HEMK2: variants seen among roughly 807,000 people sequenced by gnomAD.
HEMK2 encodes methyltransferase HEMK2.
the HEMK2 span, among the ~76,000 whole-genome samples, chr21:28,829,949 A>G: frequency 6.6e-6 from 1 of 152,170 alleles, no homozygotes; most frequent in Admixed American, 6.5e-5. Context: ...CCAACTCCCA[A>G]TACGGAATCC....
At chr21:28,723,179 T>G in the HEMK2 span, among the ~76,000 whole-genome samples, 3 of 149,476 alleles carry the variant, frequency 2.0e-5, no homozygotes, top group East Asian at 4.0e-4. Context: ...CCAGCTAATT[T>G]TTTTTTATTT....
the HEMK2 span, among the ~76,000 whole-genome samples, chr21:28,729,266 T>C: frequency 1.3e-5 from 2 of 152,210 alleles, no homozygotes; most frequent in African/African-American, 2.4e-5. Context: ...TGGCTTTGCA[T>C]GCACTTGAGA....
At chr21:28,858,449 G>A in the HEMK2 span, among the ~76,000 whole-genome samples, 1 of 152,126 alleles carries the variant, frequency 6.6e-6, no homozygotes, top group Non-Finnish European at 1.5e-5. Context: ...GTACATTTTA[G>A]AAATGTCTTA....
chr21:28,647,997 C>A, the HEMK2 span, among the ~76,000 whole-genome samples: 4 of 152,310 alleles, frequency 2.6e-5, no homozygotes, highest in Admixed American at 6.5e-5. Context: ...CTACATGAGA[C>A]TTGAGAGTGT....
At chr21:28,813,190 T>C in the HEMK2 span, among the ~76,000 whole-genome samples, 1 of 152,206 alleles carries the variant, frequency 6.6e-6, no homozygotes, top group African/African-American at 2.4e-5. Flanking sequence ...CATGATTGTA[T>C]ATTTAGAAAA....
At chr21:28,752,995 G>A in the HEMK2 span, among the ~76,000 whole-genome samples, 2 of 152,146 alleles carry the variant, frequency 1.3e-5, no homozygotes, top group Admixed American at 1.3e-4. Flanking sequence ...TACCCCTGAA[G>A]AACCATTATT....
At chr21:28,848,946 C>T in the HEMK2 span, among the ~76,000 whole-genome samples, 1,295 of 152,264 alleles carry the variant, frequency 8.5e-3, 17 homozygotes, top group African/African-American at 0.029. Flanking sequence ...TATGAGTGCA[C>T]GCAGGAACTC....
the HEMK2 span, among the ~76,000 whole-genome samples, chr21:28,840,482 ATC>A: frequency 6.6e-6 from 1 of 152,200 alleles, no homozygotes; most frequent in East Asian, 1.9e-4. Flanking sequence ...AAGGACTAAT[ATC>A]CAGAATCTAC....
At chr21:28,703,217 C>T in the HEMK2 span, among the ~76,000 whole-genome samples, 3 of 152,028 alleles carry the variant, frequency 2.0e-5, no homozygotes, top group African/African-American at 7.3e-5. Context: ...AGGTACTGTG[C>T]TTATTACTTG....
the HEMK2 span, among the ~76,000 whole-genome samples, chr21:28,877,369 A>T: frequency 6.9e-6 from 1 of 144,134 alleles, no homozygotes; most frequent in African/African-American, 2.6e-5. Context: ...GAAAGAAGAG[A>T]AGGGAAGGGA....
chr21:28,750,827 A>G, the HEMK2 span, among the ~76,000 whole-genome samples: 1 of 152,212 alleles, frequency 6.6e-6, no homozygotes, highest in African/African-American at 2.4e-5. Flanking sequence ...AAAATGAAAG[A>G]AAGAATTGTT....
At chr21:28,677,231 C>T in the HEMK2 span, among the ~76,000 whole-genome samples, 26 of 152,226 alleles carry the variant, frequency 1.7e-4, no homozygotes, top group Non-Finnish European at 2.5e-4. Context: ...TCTTAGCAAA[C>T]GGCACAACAG....
chr21:28,823,880 TAGA>T, the HEMK2 span, among the ~76,000 whole-genome samples: 3 of 152,166 alleles, frequency 2.0e-5, no homozygotes, highest in Admixed American at 2.0e-4. Context: ...TGAAGGTTTC[TAGA>T]AGGTTTCTAA....
the HEMK2 span, among the ~76,000 whole-genome samples, chr21:28,706,926 G>GGTGA: frequency 0.56 from 84,096 of 151,504 alleles, 25,955 homozygotes; most frequent in East Asian, 0.84. Flanking sequence ...AATATACTCT[G>GGTGA]GTGAATGAAA....
chr21:28,634,587 T>C, the HEMK2 span, among the ~76,000 whole-genome samples: 4 of 152,294 alleles, frequency 2.6e-5, no homozygotes, highest in East Asian at 7.7e-4. Flanking sequence ...TGTGTATTCT[T>C]GTACTCTCTA....
the HEMK2 span, among the ~76,000 whole-genome samples, chr21:28,884,701 T>C: frequency 2.0e-5 from 3 of 152,222 alleles, no homozygotes; most frequent in Non-Finnish European, 4.4e-5. Flanking sequence ...ATGTGAGGAC[T>C]GGCTGGTGCT....
At chr21:28,832,434 T>A in the HEMK2 span, among the ~76,000 whole-genome samples, 1 of 152,312 alleles carries the variant, frequency 6.6e-6, no homozygotes, top group South Asian at 2.1e-4. Context: ...TAATTAGTAA[T>A]AAGAGCCGGA....
At chr21:28,846,120 CAT>C in the HEMK2 span, among the ~76,000 whole-genome samples, 8 of 152,198 alleles carry the variant, frequency 5.3e-5, no homozygotes, top group Non-Finnish European at 1.0e-4. Context: ...CTGCAAAGAA[CAT>C]AATCTTATTC....
At chr21:28,711,139 A>T in the HEMK2 span, among the ~76,000 whole-genome samples, 164 of 152,322 alleles carry the variant, frequency 1.1e-3, 1 homozygote, top group Non-Finnish European at 1.0e-4. Flanking sequence ...ATTAAAAAAT[A>T]AAAAATCCAA....
Sources: allele counts gnomAD v4.1 joint callset (sites outside exome capture counted in the v4.1 genomes callset), GRCh38; gene constraint gnomAD v4.1.1; transcripts MANE v1.5; gene names NCBI Gene and HGNC (gene_info 2026-07-23, HGNC 2026-07-21).